The following TRMT9B variants were observed in gnomAD, a reference collection of about 807,000 sequenced individuals.
The protein encoded by TRMT9B is probable tRNA methyltransferase 9B.
TRMT9B carries 16 observed loss-of-function variants against 11.5 expected under a neutral mutation model. That is an observed-to-expected ratio of 1.39 (90% CI 0.94 to 2.11). The LOEUF is 2.11. Among genes scored for constraint, TRMT9B ranks in the 30% most tolerant of loss-of-function variants. The pLI is 0.00. For missense variants in TRMT9B, 941 were observed against 553.8 expected, an observed-to-expected ratio of 1.70 and a Z score of -7.02; for synonymous variants, 274 against 192.4, an observed-to-expected ratio of 1.42 and a Z score of -3.51.
rs1324522514 is a variant in TRMT9B at position 13,023,357 on chromosome 8, T to C, written c.*1313T>C. 1 of 167,142 alleles carries C rather than the reference T, an allele frequency of 6.0e-6. No individual in the cohort carries two copies. The highest frequency in any genetic ancestry group is 2.4e-5 in the African/African-American group (1 of 41,480). 10.4% of individuals were successfully genotyped at this position (167,142 alleles called of 1,614,324 possible). A position where few individuals can be genotyped will look rare whatever the true frequency, so the allele number is the denominator to read the frequency against. ...TATGACTTGGATTTGCTGTATCCTT[T>C]AAAATAGTATCTGGGCATTTATTTT... On this transcript the variant is annotated 3_prime_UTR_variant, in exon 5 of 5. Transcript: ENST00000524591.
intron 1 of TRMT9B, among the ~76,000 whole-genome samples, chr8:12,956,605 C>CT (rs1471164818): frequency 6.6e-6 from 1 of 152,066 alleles, no homozygotes; most frequent in African/African-American, 2.4e-5. Flanking sequence ...TTTAATGAAC[C>CT]ACAATACAAA....
At chr8:13,009,902 C>T (rs1585350981) in intron 3 of TRMT9B, among the ~76,000 whole-genome samples, 1 of 151,946 alleles carries the variant, frequency 6.6e-6, no homozygotes, top group Non-Finnish European at 1.5e-5. Flanking sequence ...GTGTGGCGGG[C>T]AGATCTTTTA....
intron 3 of TRMT9B, chr8:13,011,495 A>T: frequency 1.0e-6 from 1 of 973,930 alleles, no homozygotes; most frequent in Non-Finnish European, 1.2e-6. Flanking sequence ...AATGCCAATA[A>T]GTACAAATAT....
At chr8:12,979,698 C>T (rs1158283182) in intron 1 of TRMT9B, among the ~76,000 whole-genome samples, 1 of 152,052 alleles carries the variant, frequency 6.6e-6, no homozygotes, top group Non-Finnish European at 1.5e-5. Flanking sequence ...TGTCAGAGTC[C>T]CATTCTGGAC....
chr8:12,968,330 T>A (rs566594729), intron 1 of TRMT9B, among the ~76,000 whole-genome samples: 1 of 152,356 alleles, frequency 6.6e-6, no homozygotes, highest in East Asian at 1.9e-4. Context: ...AGTGGGCAGA[T>A]CTTCCTGGTT....
chr8:13,021,983 G>C lies in TRMT9B; in HGVS notation c.1304G>C (p.Ser435Thr), dbSNP rs1470933247. Residue 435 changes from serine to threonine, a missense_variant, in exon 5 of 5, where the codon AGT becomes ACT. Coordinates refer to ENST00000524591, the MANE Select transcript of TRMT9B (RefSeq NM_020844.3). ...KENVSELRILSSGNDHGNWCI... is the reference protein window; with the variant it reads ...KENVSELRILTSGNDHGNWCI... The stretch of plus-strand genomic sequence containing the variant: ...AATGTGTCAGAGCTCCGTATCCTGA[G>C]TTCTGGGAATGATCATGGTAACTGG... 1.2e-6 allele frequency: 2 copies of C among 1,612,696 alleles called. No homozygotes were observed. Among genetic ancestry groups the C allele is most frequent in the African/African-American group, 1.3e-5 (1 of 74,880 alleles).
Position 13,027,271 on chromosome 8 carries a change from A to G in TRMT9B, c.*5227A>G, listed in dbSNP as rs1814799683. 1 of 167,020 alleles carries G rather than the reference A, an allele frequency of 6.0e-6. No individual in the cohort carries two copies. The highest frequency in any genetic ancestry group is 2.4e-5 in the African/African-American group (1 of 41,458). 10.3% of individuals were successfully genotyped at this position (167,020 alleles called of 1,614,324 possible). On this transcript the variant is annotated 3_prime_UTR_variant, in exon 5 of 5. Coordinates refer to ENST00000524591, the MANE Select transcript of TRMT9B (RefSeq NM_020844.3). Reference sequence around the variant, plus strand: ...TGACCCACAGGTGCCAAGCTGAAACATTCTTCGTATTCCCTGTGTGCCTAT... The same window carrying G: ...TGACCCACAGGTGCCAAGCTGAAACGTTCTTCGTATTCCCTGTGTGCCTAT...
At chr8:12,954,456 T>A (rs1801040790) in intron 1 of TRMT9B, among the ~76,000 whole-genome samples, 1 of 152,260 alleles carries the variant, frequency 6.6e-6, no homozygotes, top group Non-Finnish European at 1.5e-5. Context: ...ATTAAATGCC[T>A]GTTTACTACA....
At chr8:13,006,593 C>G (rs2128890626) in intron 3 of TRMT9B, 3 of 1,404,058 alleles carry the variant, frequency 2.1e-6, no homozygotes, top group South Asian at 1.7e-5. Context: ...ATGCCAGTAC[C>G]TAGAATATTC....
intron 2 of TRMT9B, among the ~76,000 whole-genome samples, chr8:12,995,681 T>C (rs1808211297): frequency 6.6e-6 from 1 of 152,180 alleles, no homozygotes; most frequent in Non-Finnish European, 1.5e-5. Flanking sequence ...TTGTTTTGGG[T>C]TTGGTTTTTT....
At position 12,979,243 on chromosome 8, in the gene TRMT9B, A is replaced by C. The variant is rs1041247457; in HGVS notation, c.-199-11591A>C. 9.2e-5 allele frequency among the ~76,000 whole-genome samples: 14 copies of C among 152,334 alleles called. No homozygotes were observed. The South Asian group carries it at 2.1e-3, about 23-fold the overall frequency. On this transcript the variant is annotated intron_variant, in intron 1 of 4. Coordinates refer to ENST00000524591, the MANE Select transcript of TRMT9B (RefSeq NM_020844.3). ...CTCAGGGCCCAGTTTTGACCCCTGCAGGCAATGCCCTGACTTTCGCATAAA... is the reference window on the plus strand; with the variant it reads ...CTCAGGGCCCAGTTTTGACCCCTGCCGGCAATGCCCTGACTTTCGCATAAA...
At position 12,984,977 on chromosome 8, in the gene TRMT9B, ACACACACACACTCT is replaced by A. The variant is rs771006604; in HGVS notation, c.-199-5855_-199-5842del. Among the ~76,000 whole-genome samples the A allele has an allele frequency of 1.1e-4, 14 of 130,942 alleles. No homozygotes were observed. The South Asian group carries it at 1.5e-3, about 14-fold the overall frequency. 85.9% of individuals were successfully genotyped at this position (130,942 alleles called of 152,430 possible). On this transcript the variant is annotated intron_variant, in intron 1 of 4. Coordinates refer to ENST00000524591, the MANE Select transcript of TRMT9B (RefSeq NM_020844.3). Reference sequence around the variant, plus strand: ...CATACACACACACACACACACACACACACACACACACTCTCTCTCTCACACTCCCCACCCAGATG... The same window carrying A: ...CATACACACACACACACACACACACACTCTCTCACACTCCCCACCCAGATG...
chr8:13,011,131 T>A (rs1272998254), intron 3 of TRMT9B: 1 of 310,564 alleles, frequency 3.2e-6, no homozygotes, highest in Non-Finnish European at 4.7e-6. Context: ...GGATTACAGG[T>A]ACCTGCCACC....
At chr8:13,009,556 A>G (rs1308861587) in intron 3 of TRMT9B, among the ~76,000 whole-genome samples, 2 of 152,124 alleles carry the variant, frequency 1.3e-5, no homozygotes, top group Non-Finnish European at 2.9e-5. Flanking sequence ...TTCTTGTATG[A>G]TCTTTTTGAG....
chr8:12,990,902 C>G lies in TRMT9B; in HGVS notation c.-131C>G. 7.8e-7 allele frequency: 1 copy of G among 1,289,506 alleles called. No individual in the cohort carries two copies. The highest frequency in any genetic ancestry group is 1.0e-6 in the Non-Finnish European group (1 of 988,586). The allele number at this position is 1,289,506 out of a possible 1,614,324, so 79.9% of individuals were successfully genotyped here. A position where few individuals can be genotyped will look rare whatever the true frequency, so the allele number is the denominator to read the frequency against. On this transcript the variant is annotated 5_prime_UTR_variant, in exon 2 of 5. Transcript: ENST00000524591. ...AGAAGGACCGCACTATTTCATTTCACTCCTACAAGTTTTCATTTACGTTAC... is the reference window on the plus strand; with the variant it reads ...AGAAGGACCGCACTATTTCATTTCAGTCCTACAAGTTTTCATTTACGTTAC...
At chr8:12,977,739 G>A (rs966398448) in intron 1 of TRMT9B, among the ~76,000 whole-genome samples, 1 of 152,030 alleles carries the variant, frequency 6.6e-6, no homozygotes, top group Non-Finnish European at 1.5e-5. Flanking sequence ...TTGCAGCTGG[G>A]TGCAGTGGCT....
In TRMT9B at chr8:13,029,524, AGT is replaced by A. The variant is rs1006324838; in HGVS notation, c.*7483_*7484del. 2 of 166,906 alleles carry A rather than the reference AGT, an allele frequency of 1.2e-5. No homozygotes were observed. The highest frequency in any genetic ancestry group is 4.8e-5 in the African/African-American group (2 of 41,432). 10.3% of individuals were successfully genotyped at this position (166,906 alleles called of 1,614,324 possible). A position where few individuals can be genotyped will look rare whatever the true frequency, so the allele number is the denominator to read the frequency against. On this transcript the variant is annotated 3_prime_UTR_variant, in exon 5 of 5. Transcript: ENST00000524591. ...GTTAAGTATCAGTGTATTTTTAAAA[AGT>A]GTTCCCAGGTGAACAAAAGTTTGCT...
rs138266264 is a variant in TRMT9B at position 12,957,280 on chromosome 8, A to G, written c.-200+11314A>G. On this transcript the variant is annotated intron_variant, in intron 1 of 4. Transcript: ENST00000524591. ...CTTTGTCTTCTCTGTTCCCTTTAAC[A>G]CAGAGCTAGTGAAGTAGGTGAGCTT... is the stretch of plus-strand genomic sequence containing the variant. Among the ~76,000 whole-genome samples the G allele has an allele frequency of 1.2e-4, 18 of 152,336 alleles. 1 individual carries two copies. The East Asian group carries it at 3.5e-3, about 29-fold the overall frequency.
chr8:13,024,930 C>G lies in TRMT9B; in HGVS notation c.*2886C>G, dbSNP rs1390888204. ...TTTTTTTTAAAAAGCCATTGAAGAG[C>G]AAAACTAATGTAAACGTCTTGATCA... On this transcript the variant is annotated 3_prime_UTR_variant, in exon 5 of 5. Coordinates refer to ENST00000524591, the MANE Select transcript of TRMT9B (RefSeq NM_020844.3). 6.0e-6 allele frequency: 1 copy of G among 166,890 alleles called. No individual in the cohort carries two copies. The highest frequency in any genetic ancestry group is 1.5e-5 in the Non-Finnish European group (1 of 68,102). 10.3% of individuals were successfully genotyped at this position (166,890 alleles called of 1,614,324 possible). A position where few individuals can be genotyped will look rare whatever the true frequency, so the allele number is the denominator to read the frequency against.
Sources: allele counts gnomAD v4.1 joint callset (sites outside exome capture counted in the v4.1 genomes callset), GRCh38; gene constraint gnomAD v4.1.1; transcripts MANE v1.5; gene names NCBI Gene and HGNC (gene_info 2026-07-23, HGNC 2026-07-21).